The following ZP3 variants were observed in gnomAD, a reference collection of about 807,000 sequenced individuals.
ZP3 encodes the protein zona pellucida sperm-binding protein 3.
A neutral mutation model predicts 35.6 loss-of-function variants in ZP3; 21 were observed. That is an observed-to-expected ratio of 0.59 (90% CI 0.42 to 0.85). The LOEUF is 0.85. Among genes scored for constraint, ZP3 ranks in the 40% least tolerant of loss-of-function variants. ZP3 has a pLI of 0.00. For missense variants in ZP3, 437 were observed against 536.5 expected (o/e 0.81, Z 1.83); for synonymous variants, 207 against 214.5 (o/e 0.96, Z 0.31).
chr7:76,400,342 C>A, intron 1 of ZP3: 1 of 1,526,548 alleles, frequency 6.6e-7, no homozygotes, highest in Non-Finnish European at 8.8e-7. Flanking sequence ...GCCCCAGCCG[C>A]GGCTGCCGCA....
At chr7:76,416,895 CACAT>C (rs1805385965) in intron 1 of ZP3, among the ~76,000 whole-genome samples, 1 of 109,734 alleles carries the variant, frequency 9.1e-6, no homozygotes, top group African/African-American at 6.3e-5. Context: ...CATATATATA[CACAT>C]ACATATGTAT....
At chr7:76,419,028 C>T (rs995346494) in intron 1 of ZP3, among the ~76,000 whole-genome samples, 4 of 152,120 alleles carry the variant, frequency 2.6e-5, no homozygotes, top group African/African-American at 7.2e-5. Flanking sequence ...AGTTCCTTAA[C>T]TTCTCTGAGT....
Position 76,405,393 on chromosome 7 carries a change from G to A in ZP3, c.-67+7596G>A, listed in dbSNP as rs370434037. Among the ~76,000 whole-genome samples, 6 of 120,834 alleles carry A rather than the reference G, an allele frequency of 5.0e-5. 1 individual carries two copies. The East Asian group carries it at 7.5e-4, about 15-fold the overall frequency. 79.3% of individuals were successfully genotyped at this position (120,834 alleles called of 152,430 possible). On this transcript the variant is annotated intron_variant, in intron 1 of 8. Coordinates refer to the ZP3 transcript ENST00000336517. Reference sequence around the variant, plus strand: ...GAGGGTGTTTCACCATATTGGCCAGGCTGGTTTCGAACTCCTGACCTTAAG... The same window carrying A: ...GAGGGTGTTTCACCATATTGGCCAGACTGGTTTCGAACTCCTGACCTTAAG...
chr7:76,427,097 G>C (rs1805687785), intron 1 of ZP3, among the ~76,000 whole-genome samples: 2 of 152,036 alleles, frequency 1.3e-5, no homozygotes. Context: ...TGATGTCCAG[G>C]CTGCTAAAAT....
intron 5 of ZP3, among the ~76,000 whole-genome samples, chr7:76,436,134 T>C (rs1396375926): frequency 1.5e-5 from 2 of 129,226 alleles, no homozygotes; most frequent in Non-Finnish European, 3.2e-5. Context: ...TCACTGCAAC[T>C]TCCACCTCCC....
intron 1 of ZP3, among the ~76,000 whole-genome samples, chr7:76,402,406 C>G (rs980497021): frequency 6.6e-6 from 1 of 151,894 alleles, no homozygotes; most frequent in African/African-American, 2.4e-5. Context: ...AGTCTTGAAC[C>G]CTTAACCTCA....
upstream of ZP3, among the ~76,000 whole-genome samples, chr7:76,421,146 G>C (rs957175785): frequency 2.0e-5 from 3 of 152,102 alleles, no homozygotes; most frequent in Non-Finnish European, 4.4e-5. Flanking sequence ...ATATTGGCCA[G>C]GCTGGTCTTA....
In ZP3 at chr7:76,417,382, T is replaced by C. The variant is rs537944908; in HGVS notation, c.-66-7670T>C. Among the ~76,000 whole-genome samples, 4 of 151,860 alleles carry C rather than the reference T, an allele frequency of 2.6e-5. No individual in the cohort carries two copies. In the South Asian group the frequency reaches 6.3e-4, roughly 24 times the overall value. The stretch of plus-strand genomic sequence containing the variant: ...CCTCATATCCCTAACTTTCATTGCA[T>C]CCCTTACTGTGCAAAAAATGGGCTA... On this transcript the variant is annotated intron_variant, in intron 1 of 8. Transcript: ENST00000336517.
chr7:76,423,644 A>C (rs1805575393), upstream of ZP3, among the ~76,000 whole-genome samples: 1 of 152,114 alleles, frequency 6.6e-6, no homozygotes, highest in Non-Finnish European at 1.5e-5. Flanking sequence ...TGGTTGGGCC[A>C]GGTGTGGTGG....
chr7:76,433,367 C>G (rs1465847559), intron 3 of ZP3, 103 bp from the exon 4 acceptor site: 1 of 1,297,894 alleles, frequency 7.7e-7, no homozygotes, highest in East Asian at 2.4e-5. Context: ...GTTGGCTAGG[C>G]TGGTCTCGAA....
At chr7:76,400,102 G>T (rs1466072656) in intron 1 of ZP3, among the ~76,000 whole-genome samples, 1 of 152,192 alleles carries the variant, frequency 6.6e-6, no homozygotes, top group East Asian at 1.9e-4. Flanking sequence ...TCAGGGTCAG[G>T]CAATGACCCA....
rs554825327 is a variant in ZP3 at position 76,429,283 on chromosome 7, T to C, written c.313-232T>C. 5.1e-5 allele frequency: 26 copies of C among 510,988 alleles called. No homozygotes were observed. In the East Asian group the frequency reaches 8.8e-4, roughly 17 times the overall value. The allele number at this position is 510,988 out of a possible 1,614,324, so 31.7% of individuals were successfully genotyped here. A position where few individuals can be genotyped will look rare whatever the true frequency, so the allele number is the denominator to read the frequency against. On this transcript the variant is annotated intron_variant, in intron 1 of 7. Transcript: ENST00000394857. ...ACCAGTGGCAGAGCCTGTGTTCTCT[T>C]TTGTAGAGATGGGGTCTTGCTATGT...
At chr7:76,400,959 G>A (rs1804804485) in intron 1 of ZP3, 1 of 1,550,064 alleles carries the variant, frequency 6.5e-7, no homozygotes, top group Non-Finnish European at 8.7e-7. Flanking sequence ...TGAGGCTGGA[G>A]TACCTGGCGG....
intron 1 of ZP3, among the ~76,000 whole-genome samples, chr7:76,410,076 C>T (rs1188086265): frequency 6.6e-6 from 1 of 151,982 alleles, no homozygotes; most frequent in Non-Finnish European, 1.5e-5. Context: ...GTCACCCAGG[C>T]TGCTGGAGTG....
At chr7:76,404,517 G>T (rs1804937203) in intron 1 of ZP3, 2 of 1,607,792 alleles carry the variant, frequency 1.2e-6, no homozygotes, top group South Asian at 2.2e-5. Context: ...TGAAATTAAA[G>T]ATCCCAAATG....
chr7:76,426,298 C>CGGCAG (rs1805649212), intron 1 of ZP3, among the ~76,000 whole-genome samples: 2 of 152,196 alleles, frequency 1.3e-5, no homozygotes, highest in South Asian at 2.1e-4. Context: ...AGAGGCCTTA[C>CGGCAG]GGCAGGGCAG....
intron 1 of ZP3, among the ~76,000 whole-genome samples, chr7:76,402,182 ATTT>A (rs57389874): frequency 1.6e-5 from 2 of 127,214 alleles, no homozygotes; most frequent in African/African-American, 2.9e-5. Flanking sequence ...CTGCCCAGCT[ATTT>A]TTTTTTTTTT....
intron 2 of ZP3, 125 bp downstream of exon 2, chr7:76,429,758 C>A: frequency 1.2e-6 from 1 of 823,592 alleles, no homozygotes; most frequent in Non-Finnish European, 2.0e-6. Context: ...GAAGCATTTG[C>A]AGCTGTGGTT....
intron 1 of ZP3, chr7:76,398,775 T>G (rs556581979): frequency 6.2e-7 from 1 of 1,613,138 alleles, no homozygotes; most frequent in East Asian, 2.2e-5. Flanking sequence ...TCTTCCTTGT[T>G]GGGGGCTGCG....
Sources: gnomAD v4.1 joint callset for allele counts (sites outside exome capture counted in the v4.1 genomes callset) on GRCh38, gnomAD v4.1.1 for gene constraint, MANE v1.5 for transcripts, NCBI Gene and HGNC (gene_info 2026-07-23, HGNC 2026-07-21) for gene names.